SIRT5: variants seen among roughly 807,000 people sequenced by gnomAD.
SIRT5 encodes the protein sirtuin 5.
In SIRT5, 26 loss-of-function variants were observed where a neutral mutation model predicts 40.0. That is an observed-to-expected ratio of 0.65 (90% CI 0.48 to 0.90). The LOEUF is 0.90. SIRT5 is among the 40% of genes least tolerant of loss of function. The probability of loss-of-function intolerance (pLI) is 0.00; values close to 1 mark genes in which losing one functional copy is unlikely to be tolerated. For missense variants in SIRT5, 401 were observed against 402.4 expected (o/e 1.00, Z 0.03); for synonymous variants, 146 against 149.1 (o/e 0.98, Z 0.15).
chr6:13,611,207 G>GTGTATATATA (rs1554219247), intron 9 of SIRT5, among the ~76,000 whole-genome samples: 7 of 93,638 alleles, frequency 7.5e-5, no homozygotes, highest in African/African-American at 1.2e-4. Context: ...GTGTGTGTGT[G>GTGTATATATA]TATATATATA....
chr6:13,597,063 CA>C (rs544321733), intron 7 of SIRT5, 47 bp downstream of exon 7: 22,263 of 1,017,736 alleles, frequency 0.022, no homozygotes, highest in South Asian at 0.031. Context: ...GTTACCAAAA[CA>C]AAAAAAAAAA....
At chr6:13,590,613 T>C (rs1182234247) in intron 4 of SIRT5, among the ~76,000 whole-genome samples, 1 of 152,042 alleles carries the variant, frequency 6.6e-6, no homozygotes, top group African/African-American at 2.4e-5. Context: ...GTATGTTGTG[T>C]GTATGTATGT....
chr6:13,578,338 C>A (rs566088402), intron 1 of SIRT5, among the ~76,000 whole-genome samples: 1 of 152,126 alleles, frequency 6.6e-6, no homozygotes, highest in Non-Finnish European at 1.5e-5. Context: ...AGTATTTCCT[C>A]CTCTTTAGTT....
intron 9 of SIRT5, chr6:13,604,673 C>CTGTAGA: frequency 7.1e-7 from 1 of 1,403,770 alleles, no homozygotes; most frequent in Non-Finnish European, 9.2e-7. Context: ...GATATGGTGG[C>CTGTAGA]TGTGTCTTCA....
chr6:13,578,469 A>T (rs1217675707), intron 1 of SIRT5, among the ~76,000 whole-genome samples: 2 of 151,948 alleles, frequency 1.3e-5, no homozygotes, highest in Non-Finnish European at 2.9e-5. Flanking sequence ...AAATACAAAA[A>T]ATTAGCCGGG....
chr6:13,595,744 G>C (rs1004182810), intron 6 of SIRT5, among the ~76,000 whole-genome samples, 180 bp downstream of exon 6: 2 of 149,264 alleles, frequency 1.3e-5, no homozygotes, highest in African/African-American at 5.2e-5. Flanking sequence ...GTTACAAGGT[G>C]GGGAGACTGC....
intron 7 of SIRT5, 111 bp from the exon 8 acceptor site, chr6:13,598,921 C>A: frequency 1.6e-6 from 2 of 1,253,458 alleles, no homozygotes; most frequent in Non-Finnish European, 2.3e-6. Flanking sequence ...GAATAAGAGG[C>A]ATCAGAGGTG....
At position 13,611,832 on chromosome 6, in the gene SIRT5, C is replaced by T. The variant is rs1763976261; in HGVS notation, c.900C>T (p.Ala300=). 6.2e-7 allele frequency: 1 copy of T among 1,613,798 alleles called. No individual in the cohort carries two copies. The highest frequency in any genetic ancestry group is 1.3e-5 in the African/African-American group (1 of 74,896). ...QGPCGTTLPE[A]LACHENETVS is the part of the protein sequence containing the mutation. ...CCTGTGGAACGACTCTTCCTGAAGC[C>T]CTTGCCTGTCATGAAAATGAAACTG... Residue 300 remains alanine (A), a synonymous_variant, in exon 10 of 10, where the codon GCC becomes GCT. Transcript: ENST00000606117.
At chr6:13,588,488 A>G (rs200814553) in intron 4 of SIRT5, 24 bp downstream of exon 4, 1 of 1,451,980 alleles carries the variant, frequency 6.9e-7, no homozygotes, top group Non-Finnish European at 9.6e-7. Flanking sequence ...CCAGAACATT[A>G]AAAGCCTCTG....
At position 13,599,111 on chromosome 6, in the gene SIRT5, G is replaced by C. The variant is rs1421107661; in HGVS notation, c.697G>C (p.Glu233Gln). The change falls in exon 8 of 10, where the codon GAG (glutamate) becomes CAG (glutamine). Residue 233 changes from glutamate to glutamine, a missense_variant. Physicochemically the swap from Glu to Gln is conservative, Grantham distance 29. Coordinates refer to ENST00000606117, the MANE Select transcript of SIRT5 (RefSeq NM_012241.5). ...FGENLDPAIL[E>Q]EVDRELAHCD... ...AGAAAACCTGGATCCTGCCATTCTG[G>C]AGGAGGTTGACAGAGAGCTCGCCCA... The C allele has an allele frequency of 1.2e-6, 2 of 1,614,126 alleles. No homozygotes were observed. The highest frequency in any genetic ancestry group is 2.2e-5 in the South Asian group (2 of 91,064).
At chr6:13,595,968 G>A (rs1461062794) in intron 6 of SIRT5, among the ~76,000 whole-genome samples, 2 of 152,114 alleles carry the variant, frequency 1.3e-5, no homozygotes, top group Admixed American at 6.5e-5. Context: ...CTACAGCCTG[G>A]GTGACAGAGG....
chr6:13,611,924 GA>G lies in SIRT5; in HGVS notation c.*62del, dbSNP rs1285557020. The G allele has an allele frequency of 1.5e-5, 23 of 1,534,766 alleles. No individual in the cohort carries two copies. Among genetic ancestry groups the G allele is most frequent in the Non-Finnish European group, 2.0e-5 (22 of 1,109,880 alleles). ...TAAGAACTAGGCCACACGCAGAGGA[GA>G]AATGGTCTTATGGGTGGTGAGCTGA... On this transcript the variant is annotated 3_prime_UTR_variant, in exon 10 of 10. Transcript: ENST00000606117.
intron 9 of SIRT5, among the ~76,000 whole-genome samples, chr6:13,603,624 A>G (rs752345489): frequency 1.3e-5 from 2 of 152,232 alleles, no homozygotes; most frequent in African/African-American, 4.8e-5. Flanking sequence ...AGAATGTACA[A>G]TGGCGCAGTC....
At chr6:13,575,163 G>C (rs1227548285) in intron 1 of SIRT5, among the ~76,000 whole-genome samples, 1 of 152,136 alleles carries the variant, frequency 6.6e-6, no homozygotes, top group Non-Finnish European at 1.5e-5. Flanking sequence ...GCTTGCCCGC[G>C]TGGAGTGGAA....
intron 4 of SIRT5, among the ~76,000 whole-genome samples, chr6:13,590,131 TA>T (rs1417421307): frequency 7.2e-5 from 11 of 152,168 alleles, no homozygotes; most frequent in Admixed American, 6.5e-5. Context: ...AAATTAATGT[TA>T]TTGAGGCAGA....
intron 7 of SIRT5, 151 bp from the exon 8 acceptor site, chr6:13,598,881 G>T: frequency 2.7e-6 from 2 of 731,350 alleles, no homozygotes; most frequent in Non-Finnish European, 2.1e-6. Context: ...AGCAAGGCAA[G>T]TTTATATAGG....
At position 13,613,200 on chromosome 6, in the gene SIRT5, T is replaced by C. The variant is rs572915395; in HGVS notation, c.*1335T>C. 6.0e-4 allele frequency: 92 copies of C among 152,478 alleles called. No homozygotes were observed. Among genetic ancestry groups the C allele is most frequent in the African/African-American group, 2.1e-3 (89 of 41,572 alleles). The allele number at this position is 152,478 out of a possible 1,614,324, so 9.4% of individuals were successfully genotyped here. ...CTCAGCAGCCTCCACGTGGCAACCCTCACTTCTTAAGTTATTGCTGTCAGA... is the reference window on the plus strand; with the variant it reads ...CTCAGCAGCCTCCACGTGGCAACCCCCACTTCTTAAGTTATTGCTGTCAGA... On this transcript the variant is annotated 3_prime_UTR_variant, in exon 10 of 10. Coordinates refer to ENST00000606117, the MANE Select transcript of SIRT5 (RefSeq NM_012241.5).
At chr6:13,581,752 C>T (rs574963978) in intron 2 of SIRT5, among the ~76,000 whole-genome samples, 4 of 152,276 alleles carry the variant, frequency 2.6e-5, no homozygotes, top group Non-Finnish European at 4.4e-5. Flanking sequence ...AACCACGTCA[C>T]AGAGCACCGA....
At chr6:13,593,653 G>GTT (rs1331089923) in intron 5 of SIRT5, among the ~76,000 whole-genome samples, 1 of 151,798 alleles carries the variant, frequency 6.6e-6, no homozygotes, top group African/African-American at 2.4e-5. Context: ...CTGATGAAGG[G>GTT]TTTTTTTTAA....
Sources: gnomAD v4.1 joint callset for allele counts (sites outside exome capture counted in the v4.1 genomes callset) on GRCh38, gnomAD v4.1.1 for gene constraint, MANE v1.5 for transcripts, NCBI Gene and HGNC (gene_info 2026-07-23, HGNC 2026-07-21) for gene names.